Variants in PPARGC1A observed in about 807,000 individuals in gnomAD.
PPARGC1A encodes the protein PPARG coactivator 1 alpha, also known as peroxisome proliferator-activated receptor gamma coactivator 1-alpha.
In PPARGC1A, 25 loss-of-function variants were observed where a neutral mutation model predicts 88.7. The observed-to-expected ratio is 0.28, with a 90% CI of 0.21 to 0.39. The LOEUF is 0.39. Ranked by LOEUF, PPARGC1A falls within the 10% of genes least tolerant of loss-of-function variation. The pLI, the probability that PPARGC1A is intolerant of heterozygous loss-of-function variation, is 1.00. For synonymous variants in PPARGC1A, 363 were observed against 355.6 expected (o/e 1.02, Z -0.24); for missense variants, 880 against 968.7 (o/e 0.91, Z 1.22).
At chr4:24,013,312 G>A in the PPARGC1A span, among the ~76,000 whole-genome samples, 1 of 152,074 alleles carries the variant, frequency 6.6e-6, no homozygotes, top group Non-Finnish European at 1.5e-5. Flanking sequence ...AAAAATTAAT[G>A]TTAATCACCA....
At chr4:24,263,897 G>A in the PPARGC1A span, among the ~76,000 whole-genome samples, 10 of 152,070 alleles carry the variant, frequency 6.6e-5, no homozygotes, top group East Asian at 1.4e-3. Context: ...TTACATGTGT[G>A]CCCTACCATG....
chr4:24,451,822 C>T, the PPARGC1A span, among the ~76,000 whole-genome samples: 3 of 152,228 alleles, frequency 2.0e-5, no homozygotes, highest in Middle Eastern at 3.4e-3. Context: ...GCAATCTGCC[C>T]GCCTCAGCCT....
At chr4:24,309,739 G>A in the PPARGC1A span, among the ~76,000 whole-genome samples, 1 of 152,056 alleles carries the variant, frequency 6.6e-6, no homozygotes, top group Non-Finnish European at 1.5e-5. Context: ...GTGCCACCAC[G>A]CCCAGCTACA....
the PPARGC1A span, among the ~76,000 whole-genome samples, chr4:24,136,819 A>G: frequency 6.6e-6 from 1 of 152,148 alleles, no homozygotes; most frequent in South Asian, 2.1e-4. Context: ...TTAAAAAGTA[A>G]TTAAGGTAAA....
the PPARGC1A span, among the ~76,000 whole-genome samples, chr4:24,355,761 T>G: frequency 6.6e-6 from 1 of 150,946 alleles, no homozygotes; most frequent in East Asian, 2.0e-4. Flanking sequence ...CAAAAGAACG[T>G]GGAAGTGCGA....
chr4:24,314,200 C>T, the PPARGC1A span, among the ~76,000 whole-genome samples: 9 of 152,126 alleles, frequency 5.9e-5, no homozygotes, highest in South Asian at 8.3e-4. Flanking sequence ...GAACTAGGAA[C>T]GGACTGAGCA....
chr4:24,144,101 G>A, the PPARGC1A span, among the ~76,000 whole-genome samples: 148,096 of 152,310 alleles, frequency 0.97, 72,016 homozygotes, highest in Middle Eastern at 1. Context: ...TCCCTGTAGG[G>A]GCTTATGGCC....
chr4:24,190,785 C>T, the PPARGC1A span, among the ~76,000 whole-genome samples: 1 of 152,174 alleles, frequency 6.6e-6, no homozygotes, highest in African/African-American at 2.4e-5. Flanking sequence ...GAAATAGAGG[C>T]AAACTCCAGC....
chr4:24,225,588 T>A, the PPARGC1A span, among the ~76,000 whole-genome samples: 2 of 150,448 alleles, frequency 1.3e-5, no homozygotes, highest in Non-Finnish European at 3.0e-5. Flanking sequence ...AAAGAGTGAC[T>A]AGATCCCAGG....
chr4:24,253,058 G>A, the PPARGC1A span, among the ~76,000 whole-genome samples: 1 of 152,100 alleles, frequency 6.6e-6, no homozygotes, highest in African/African-American at 2.4e-5. Flanking sequence ...AAAAATAATG[G>A]TCAAGGGAAT....
At chr4:24,308,479 A>C in the PPARGC1A span, among the ~76,000 whole-genome samples, 1 of 152,154 alleles carries the variant, frequency 6.6e-6, no homozygotes, top group Non-Finnish European at 1.5e-5. Flanking sequence ...TGTTGCACAG[A>C]GGAATTAATC....
chr4:23,915,758 C>A, the PPARGC1A span, among the ~76,000 whole-genome samples: 6 of 152,120 alleles, frequency 3.9e-5, no homozygotes, highest in Non-Finnish European at 7.4e-5. Context: ...ATAAATTACA[C>A]CAGGCTATGA....
the PPARGC1A span, among the ~76,000 whole-genome samples, chr4:24,457,567 A>G: frequency 2.0e-5 from 3 of 150,212 alleles, no homozygotes; most frequent in African/African-American, 7.3e-5. Context: ...TTGTTTTAAG[A>G]TGGAGTCTTG....
At chr4:24,122,432 TATATAGAGAG>T in the PPARGC1A span, among the ~76,000 whole-genome samples, 2 of 135,926 alleles carry the variant, frequency 1.5e-5, no homozygotes, top group East Asian at 4.7e-4. Context: ...TATATATATA[TATATAGAGAG>T]AGAGAGAGAG....
the PPARGC1A span, among the ~76,000 whole-genome samples, chr4:24,333,940 CAAAAAA>C: frequency 7.2e-5 from 1 of 13,830 alleles, no homozygotes; most frequent in African/African-American, 1.9e-4. Context: ...ACAACAACAA[CAAAAAA>C]AAAAAAAAAA....
At chr4:23,987,335 AC>A in the PPARGC1A span, among the ~76,000 whole-genome samples, 18 of 152,058 alleles carry the variant, frequency 1.2e-4, no homozygotes, top group South Asian at 1.0e-3. Flanking sequence ...ACAGATCCAA[AC>A]CTTTGCATGC....
chr4:23,833,072 T>C (rs548434849), intron 2 of PPARGC1A, among the ~76,000 whole-genome samples: 32 of 152,246 alleles, frequency 2.1e-4, no homozygotes, highest in African/African-American at 7.7e-4. Context: ...GTGTGGGAGA[T>C]ACAAAAAGAA....
At chr4:23,989,400 C>T in the PPARGC1A span, among the ~76,000 whole-genome samples, 1 of 151,944 alleles carries the variant, frequency 6.6e-6, no homozygotes, top group Non-Finnish European at 1.5e-5. Context: ...TGCATTTGAG[C>T]TTTACATTTT....
chr4:24,449,050 G>T, the PPARGC1A span, among the ~76,000 whole-genome samples: 1 of 152,016 alleles, frequency 6.6e-6, no homozygotes, highest in African/African-American at 2.4e-5. Flanking sequence ...GTTCTTTCAG[G>T]TCCCACATAC....
Sources: allele counts gnomAD v4.1 joint callset (sites outside exome capture counted in the v4.1 genomes callset), GRCh38; gene constraint gnomAD v4.1.1; transcripts MANE v1.5; gene names NCBI Gene and HGNC (gene_info 2026-07-23, HGNC 2026-07-21).